The following PTPRO variants were observed in gnomAD, a reference collection of about 807,000 sequenced individuals.
PTPRO encodes receptor-type tyrosine-protein phosphatase O.
A neutral mutation model predicts 145.2 loss-of-function variants in PTPRO; 62 were observed. The observed-to-expected ratio is 0.43, with a 90% CI of 0.35 to 0.53. The LOEUF (loss-of-function observed/expected upper bound fraction) is 0.53, where lower values mean the gene tolerates loss of function less well. Among genes scored for constraint, PTPRO ranks in the 20% least tolerant of loss-of-function variants. The probability of loss-of-function intolerance (pLI) is 0.01; values close to 1 mark genes in which losing one functional copy is unlikely to be tolerated. For missense variants in PTPRO, 1,345 were observed against 1,482.7 expected, an observed-to-expected ratio of 0.91 and a Z score of 1.53; for synonymous variants, 565 against 514.7, an observed-to-expected ratio of 1.10 and a Z score of -1.32.
chr12:15,532,209 T>C (rs1451487310), intron 12 of PTPRO, among the ~76,000 whole-genome samples: 1 of 152,168 alleles, frequency 6.6e-6, no homozygotes, highest in Non-Finnish European at 1.5e-5. Flanking sequence ...ATATGTGATG[T>C]GTTGATTAGA....
intron 1 of PTPRO, among the ~76,000 whole-genome samples, chr12:15,443,145 T>C (rs1004911712): frequency 6.6e-6 from 1 of 152,132 alleles, no homozygotes; most frequent in East Asian, 1.9e-4. Context: ...TGGAACAGAA[T>C]AGAGAACCCA....
At chr12:15,404,137 C>T (rs750447769) in intron 1 of PTPRO, among the ~76,000 whole-genome samples, 34 of 138,822 alleles carry the variant, frequency 2.4e-4, no homozygotes, top group Non-Finnish European at 3.8e-4. Context: ...TGCAGTGAGC[C>T]GAGATCTCGC....
intron 1 of PTPRO, among the ~76,000 whole-genome samples, chr12:15,417,831 C>A (rs1222459743): frequency 6.6e-6 from 1 of 151,734 alleles, no homozygotes; most frequent in African/African-American, 2.4e-5. Flanking sequence ...AGGATTTAGT[C>A]TTCCTTTATG....
At chr12:15,371,926 C>T (rs1365942851) in intron 1 of PTPRO, among the ~76,000 whole-genome samples, 3 of 152,128 alleles carry the variant, frequency 2.0e-5, no homozygotes, top group Admixed American at 6.5e-5. Flanking sequence ...CTGCTGTGAT[C>T]GTAAGTTTCC....
chr12:15,323,973 G>A (rs549984014), intron 1 of PTPRO, among the ~76,000 whole-genome samples: 63 of 152,198 alleles, frequency 4.1e-4, no homozygotes, highest in Non-Finnish European at 7.6e-4. Flanking sequence ...GCAACAGAAT[G>A]CCTAAGTAAG....
intron 18 of PTPRO, among the ~76,000 whole-genome samples, chr12:15,568,057 T>C (rs1943946940): frequency 6.6e-6 from 1 of 152,204 alleles, no homozygotes; most frequent in Non-Finnish European, 1.5e-5. Flanking sequence ...AATGTTAACA[T>C]AAATGAATTA....
chr12:15,550,276 A>T (rs1458172226), intron 14 of PTPRO, among the ~76,000 whole-genome samples: 1 of 152,218 alleles, frequency 6.6e-6, no homozygotes, highest in African/African-American at 2.4e-5. Flanking sequence ...AATCGTAAGG[A>T]AGAGAAAATA....
At chr12:15,544,731 G>A (rs1343288809) in intron 12 of PTPRO, among the ~76,000 whole-genome samples, 3 of 152,108 alleles carry the variant, frequency 2.0e-5, no homozygotes, top group African/African-American at 7.2e-5. Flanking sequence ...TTCCACATGA[G>A]TCAGAATCCC....
At chr12:15,389,861 T>C (rs1423581731) in intron 1 of PTPRO, among the ~76,000 whole-genome samples, 1 of 152,246 alleles carries the variant, frequency 6.6e-6, no homozygotes, top group Non-Finnish European at 1.5e-5. Context: ...CTTCACTTCA[T>C]GTTTCTAGAG....
At chr12:15,495,056 G>A (rs565609130) in intron 2 of PTPRO, among the ~76,000 whole-genome samples, 1 of 152,144 alleles carries the variant, frequency 6.6e-6, no homozygotes, top group South Asian at 2.1e-4. Flanking sequence ...TTCAAGGGTT[G>A]GTTGATTGGT....
intron 10 of PTPRO, among the ~76,000 whole-genome samples, chr12:15,523,570 T>C (rs991140964): frequency 1.3e-5 from 2 of 151,290 alleles, no homozygotes; most frequent in East Asian, 3.9e-4. Flanking sequence ...AGCCCAGGAG[T>C]TCAAGACAAG....
intron 1 of PTPRO, among the ~76,000 whole-genome samples, chr12:15,345,719 A>C (rs1867183305): frequency 1.3e-5 from 2 of 152,312 alleles, no homozygotes; most frequent in South Asian, 4.1e-4. Context: ...CATGTTCTGC[A>C]CATGTATCCC....
intron 1 of PTPRO, among the ~76,000 whole-genome samples, chr12:15,354,647 G>T (rs1392838064): frequency 6.6e-6 from 1 of 152,008 alleles, no homozygotes; most frequent in Non-Finnish European, 1.5e-5. Flanking sequence ...CTACTTTAAG[G>T]TGTGCATTTG....
chr12:15,326,776 C>T (rs1866457271), intron 1 of PTPRO, among the ~76,000 whole-genome samples: 1 of 152,142 alleles, frequency 6.6e-6, no homozygotes, highest in Admixed American at 6.5e-5. Context: ...ACAACAATGA[C>T]CACAAGTTTT....
At chr12:15,474,595 T>C (rs1941614049) in intron 1 of PTPRO, among the ~76,000 whole-genome samples, 1 of 152,222 alleles carries the variant, frequency 6.6e-6, no homozygotes, top group South Asian at 2.1e-4. Flanking sequence ...CTACATTAAA[T>C]TTGTTATGTA....
At chr12:15,410,406 A>G (rs1001850236) in intron 1 of PTPRO, 1 of 152,178 alleles carries the variant, frequency 6.6e-6, no homozygotes, top group Non-Finnish European at 1.5e-5. Flanking sequence ...GAGCAAAAAG[A>G]CAGAAGAATG....
chr12:15,416,803 C>G (rs1322124138), intron 1 of PTPRO, among the ~76,000 whole-genome samples: 1 of 150,058 alleles, frequency 6.7e-6, no homozygotes, highest in Admixed American at 6.6e-5. Context: ...AAGCTATAAA[C>G]AACTACACTT....
intron 12 of PTPRO, among the ~76,000 whole-genome samples, chr12:15,544,334 C>G (rs1943236530): frequency 6.6e-6 from 1 of 151,682 alleles, no homozygotes; most frequent in African/African-American, 2.4e-5. Flanking sequence ...GAAACCCTGT[C>G]TCTACTAAAA....
intron 1 of PTPRO, among the ~76,000 whole-genome samples, chr12:15,389,375 G>A (rs1939125884): frequency 6.6e-6 from 1 of 151,998 alleles, no homozygotes; most frequent in Non-Finnish European, 1.5e-5. Context: ...CCAAAATGCT[G>A]GGATTACAGG....
Sources: gnomAD v4.1 joint callset for allele counts (sites outside exome capture counted in the v4.1 genomes callset) on GRCh38, gnomAD v4.1.1 for gene constraint, MANE v1.5 for transcripts, NCBI Gene and HGNC (gene_info 2026-07-23, HGNC 2026-07-21) for gene names.